The following MLXIPL variants were observed in gnomAD, a reference collection of about 807,000 sequenced individuals.
MLXIPL encodes carbohydrate-responsive element-binding protein.
Under a neutral mutation model 81.5 loss-of-function variants are expected in MLXIPL, and 49 were observed. That is an observed-to-expected ratio of 0.60 (90% CI 0.48 to 0.76). The LOEUF (loss-of-function observed/expected upper bound fraction) is 0.76. Ranked by LOEUF, MLXIPL falls within the 30% of genes least tolerant of loss-of-function variation. The probability of loss-of-function intolerance (pLI) is 0.00; values close to 1 mark genes in which losing one functional copy is unlikely to be tolerated. For synonymous variants in MLXIPL, 466 were observed against 485.5 expected (o/e 0.96, Z 0.53); for missense variants, 1,053 against 1,167.0 (o/e 0.90, Z 1.42).
At chr7:73,636,995 G>A in the MLXIPL span, among the ~76,000 whole-genome samples, 6 of 149,278 alleles carry the variant, frequency 4.0e-5, no homozygotes, top group South Asian at 4.2e-4. Flanking sequence ...GGGAGGCGGA[G>A]CTTGCAGTGA....
upstream of MLXIPL, chr7:73,624,692 G>T: frequency 9.3e-7 from 1 of 1,075,558 alleles, no homozygotes; most frequent in Non-Finnish European, 1.2e-6. Flanking sequence ...CTGGCGGGTT[G>T]GCCCCATCTC....
chr7:73,635,692 A>G, the MLXIPL span, among the ~76,000 whole-genome samples: 1 of 145,318 alleles, frequency 6.9e-6, no homozygotes, highest in Non-Finnish European at 1.5e-5. Flanking sequence ...CCATCCATCT[A>G]TCTCTTTATC....
chr7:73,614,363 A>G (rs1395497922), intron 2 of MLXIPL, among the ~76,000 whole-genome samples: 1 of 152,206 alleles, frequency 6.6e-6, no homozygotes, highest in African/African-American at 2.4e-5. Context: ...TCAGTTGCTC[A>G]TCCATAACAT....
Position 73,595,739 on chromosome 7 carries a change from G to A in MLXIPL, c.2208C>T (p.Pro736=), listed in dbSNP as rs577113079. 16 of 1,607,352 alleles carry A rather than the reference G, an allele frequency of 1.0e-5. No individual in the cohort carries two copies. Among genetic ancestry groups the A allele is most frequent in the Admixed American group, 3.4e-5 (2 of 58,716 alleles). The part of the protein sequence containing the change: ...AAINLCQQQL[P]ATGVPITHQR... ...GGTGTGTGATGGGTACCCCTGTGGC[G>A]GGCAGCTGCTGCTGGCACAGGCTGG... Residue 736 remains proline (P), a synonymous_variant, in exon 15 of 17, where the codon CCC becomes CCT. Coordinates refer to ENST00000313375, the MANE Select transcript of MLXIPL (RefSeq NM_032951.3).
rs781960748 is a variant in MLXIPL, at chr7:73,596,327, G to A, written c.1938+37C>T. On this transcript the variant is annotated intron_variant, in intron 12 of 16. Transcript: ENST00000313375. This position sits in a 1 kb window ranked among gnomAD's most constrained non-coding sequence, Gnocchi z 4.7. The stretch of plus-strand genomic sequence containing the variant: ...GGAAGGAGCCCAGGAGGGCCTGGGG[G>A]TAGCAAACCGATCTTGGGGTGGGGG... 2 of 1,611,000 alleles carry A rather than the reference G, an allele frequency of 1.2e-6. No individual in the cohort carries two copies. The highest frequency in any genetic ancestry group is 1.7e-6 in the Non-Finnish European group (2 of 1,179,454).
At chr7:73,618,575 G>A (rs1263353678) in intron 1 of MLXIPL, among the ~76,000 whole-genome samples, 1 of 151,934 alleles carries the variant, frequency 6.6e-6, no homozygotes, top group Non-Finnish European at 1.5e-5. Flanking sequence ...GCTTTGGGGT[G>A]GGGGTGGGGG....
chr7:73,594,132 G>A, intron 16 of MLXIPL, 142 bp downstream of exon 16: 1 of 1,448,808 alleles, frequency 6.9e-7, no homozygotes, highest in Non-Finnish European at 9.6e-7. Context: ...CTGGTGGCCA[G>A]AGGACCATCT....
intron 2 of MLXIPL, among the ~76,000 whole-genome samples, chr7:73,613,595 C>CA (rs1479152725): frequency 6.6e-6 from 1 of 151,552 alleles, no homozygotes; most frequent in Non-Finnish European, 1.5e-5. Flanking sequence ...AAGACTGTTT[C>CA]AAAAAAAAGA....
the MLXIPL span, among the ~76,000 whole-genome samples, chr7:73,632,878 C>G: frequency 6.6e-6 from 1 of 151,578 alleles, no homozygotes; most frequent in East Asian, 1.9e-4. Context: ...CTCCTAGCTT[C>G]AAGCGATTCT....
intron 3 of MLXIPL, 51 bp from the exon 4 acceptor site, chr7:73,607,471 AC>A: frequency 1.3e-6 from 2 of 1,510,580 alleles, no homozygotes; most frequent in Non-Finnish European, 1.8e-6. Context: ...AGCACCGCAC[AC>A]CCATCTCCCA....
In MLXIPL at chr7:73,596,171, A is replaced by C. The variant is rs1794277177; in HGVS notation, c.2040T>G (p.Ser680Arg). The change falls in exon 13 of 17, where the codon AGT (serine) becomes AGG (arginine). Residue 680 changes from serine to arginine, a missense_variant. Physicochemically the swap from Ser to Arg is moderately radical, Grantham distance 110 (BLOSUM62 -1). This residue lies in a region of MLXIPL where 823 missense variants were observed against 933.0 expected (regional missense o/e 0.88). Transcript: ENST00000313375. This position sits in a 1 kb window ranked among gnomAD's most constrained non-coding sequence, Gnocchi z 4.7. ...DTLHGLVSTL[S>R]AQPSLKVSKA... is the part of the protein sequence containing the mutation. ...GGCTCACCTTGAGGCTGGGCTGGGC[A>C]CTGAGTGTGCTCACGAGCCCATGAA... is the stretch of plus-strand genomic sequence containing the variant. The C allele has an allele frequency of 6.2e-7, 1 of 1,612,892 alleles. No individual in the cohort carries two copies. The highest frequency in any genetic ancestry group is 1.3e-5 in the African/African-American group (1 of 74,866).
chr7:73,628,290 T>C (rs1016322861), upstream of MLXIPL, among the ~76,000 whole-genome samples: 3 of 152,172 alleles, frequency 2.0e-5, no homozygotes, highest in Non-Finnish European at 4.4e-5. Context: ...GGGAAGATTA[T>C]GAGTGAATTC....
intron 7 of MLXIPL, among the ~76,000 whole-genome samples, chr7:73,600,402 C>A (rs1162358804): frequency 4.7e-5 from 3 of 64,486 alleles, no homozygotes; most frequent in African/African-American, 2.0e-4. Context: ...TAAGGCTGGG[C>A]TCCAAGTGGG....
chr7:73,630,678 C>T, the MLXIPL span, among the ~76,000 whole-genome samples: 3 of 152,150 alleles, frequency 2.0e-5, no homozygotes, highest in Admixed American at 6.6e-5. Context: ...GGGATTCAAA[C>T]GCAGACAATT....
chr7:73,647,097 G>A, the MLXIPL span, among the ~76,000 whole-genome samples: 1 of 152,200 alleles, frequency 6.6e-6, no homozygotes, highest in African/African-American at 2.4e-5. Flanking sequence ...CACACAGTCA[G>A]ACACAGACAA....
the MLXIPL span, among the ~76,000 whole-genome samples, chr7:73,630,414 T>A: frequency 4.8e-5 from 7 of 146,464 alleles, no homozygotes; most frequent in Admixed American, 4.3e-4. Flanking sequence ...CACCTAAACC[T>A]CCCGAGTAGT....
rs1369977150 is a variant in MLXIPL, at chr7:73,623,461, G to T, written c.293+739C>A. Among the ~76,000 whole-genome samples, 1 of 152,086 alleles carries T rather than the reference G, an allele frequency of 6.6e-6. No homozygotes were observed. Among genetic ancestry groups the T allele is most frequent in the Non-Finnish European group, 1.5e-5 (1 of 68,014 alleles). ...AGCGGGGCGCGGCCTGTGCGCTCTCGGTGGCACTAAGCGGGGGTCCCAGGC... is the reference window on the plus strand; with the variant it reads ...AGCGGGGCGCGGCCTGTGCGCTCTCTGTGGCACTAAGCGGGGGTCCCAGGC... On this transcript the variant is annotated intron_variant, in intron 1 of 16. Coordinates refer to ENST00000313375, the MANE Select transcript of MLXIPL (RefSeq NM_032951.3). This position sits in a 1 kb window ranked among gnomAD's most constrained non-coding sequence, Gnocchi z 5.7.
Position 73,593,615 on chromosome 7 carries a change from T to G in MLXIPL, c.*250A>C. ...CATTTTGCAGATTGAAACACAGCGG[T>G]CCAAAGACAGCGGACGAGTCACCCA... is the stretch of plus-strand genomic sequence containing the variant. On this transcript the variant is annotated 3_prime_UTR_variant, in exon 17 of 17. Transcript: ENST00000313375. The G allele has an allele frequency of 2.1e-6, 1 of 484,784 alleles. No individual in the cohort carries two copies. Among genetic ancestry groups the G allele is most frequent in the South Asian group, 2.0e-5 (1 of 49,208 alleles). The allele number at this position is 484,784 out of a possible 1,614,324, so 30.0% of individuals were successfully genotyped here.
chr7:73,643,513 CAAAA>C, the MLXIPL span, among the ~76,000 whole-genome samples: 2 of 62,076 alleles, frequency 3.2e-5, no homozygotes, highest in African/African-American at 1.2e-4. Context: ...GACTCCGTCT[CAAAA>C]AAAAAAAAAA....
Sources: allele counts gnomAD v4.1 joint callset (sites outside exome capture counted in the v4.1 genomes callset), GRCh38; gene constraint gnomAD v4.1.1; regional missense constraint gnomAD v4.1.1; non-coding constraint Gnocchi (gnomAD v3.1); transcripts MANE v1.5; gene names NCBI Gene and HGNC (gene_info 2026-07-23, HGNC 2026-07-21).